SHLD1: variants seen among roughly 807,000 people sequenced by gnomAD.
SHLD1 encodes RINN1-REV7-interacting novel NHEJ regulator 3.
A neutral mutation model predicts 5.5 loss-of-function variants in SHLD1; 3 were observed. The ratio of observed to expected loss-of-function variants is 0.54; its 90% CI spans 0.25 to 1.40. SHLD1 has a LOEUF of 1.40. Ranked by LOEUF, SHLD1 falls within the 40% of genes most tolerant of loss-of-function variation. The pLI is 0.15. For missense variants in SHLD1, 210 were observed against 244.4 expected (o/e 0.86, Z 0.94); for synonymous variants, 92 against 94.3 (o/e 0.98, Z 0.14).
chr20:5,843,326 C>T (rs2087889389), intron 2 of SHLD1, among the ~76,000 whole-genome samples: 1 of 134,338 alleles, frequency 7.4e-6, no homozygotes, highest in Admixed American at 7.5e-5. Flanking sequence ...TTTCTTTTAT[C>T]AGGTTAAATC....
chr20:5,775,842 C>A (rs1000572116), intron 2 of SHLD1, among the ~76,000 whole-genome samples: 4 of 150,816 alleles, frequency 2.7e-5, no homozygotes, highest in African/African-American at 9.8e-5. Flanking sequence ...TAGTGTGTGG[C>A]AGGGAGTGGA....
At chr20:5,794,074 ATTGT>A (rs574518054) in intron 2 of SHLD1, among the ~76,000 whole-genome samples, 14 of 151,392 alleles carry the variant, frequency 9.2e-5, no homozygotes, top group East Asian at 1.9e-4. Flanking sequence ...ACATTTTCTG[ATTGT>A]TTGTTTGTTT....
At chr20:5,856,465 T>C (rs2088086063) in intron 2 of SHLD1, among the ~76,000 whole-genome samples, 1 of 151,986 alleles carries the variant, frequency 6.6e-6, no homozygotes, top group African/African-American at 2.4e-5. Context: ...GTGGCAGTAG[T>C]GAGGGGGTAG....
intron 2 of SHLD1, among the ~76,000 whole-genome samples, chr20:5,850,511 AT>A (rs1156477129): frequency 0.11 from 14,734 of 132,538 alleles, 1,649 homozygotes; most frequent in African/African-American, 0.31. Context: ...TTTAGTTTTA[AT>A]TTTTTTTTTT....
chr20:5,781,572 G>A (rs559523415), intron 2 of SHLD1, among the ~76,000 whole-genome samples: 1 of 152,220 alleles, frequency 6.6e-6, no homozygotes, highest in East Asian at 1.9e-4. Flanking sequence ...CCGCCTCCTG[G>A]GTTCAAGCGA....
Position 5,773,546 on chromosome 20 carries a change from C to T in SHLD1, c.178+503C>T, listed in dbSNP as rs138738927. The T allele has an allele frequency of 7.9e-3, 1,455 of 185,348 alleles. 26 individuals are homozygous for T. The highest frequency in any genetic ancestry group is 0.033 in the African/African-American group (1,380 of 42,364). The allele number at this position is 185,348 out of a possible 1,614,324, so 11.5% of individuals were successfully genotyped here. ...TCTATTATTTAAACTAATGATAATTCCCTGATGTAGGTAGTGGCCGTCTTT... is the reference window on the plus strand; with the variant it reads ...TCTATTATTTAAACTAATGATAATTTCCTGATGTAGGTAGTGGCCGTCTTT... On this transcript the variant is annotated intron_variant, in intron 2 of 2. Coordinates refer to ENST00000303142, the MANE Select transcript of SHLD1 (RefSeq NM_152504.4).
chr20:5,774,508 A>G (rs1363698890), intron 2 of SHLD1, among the ~76,000 whole-genome samples: 2 of 152,186 alleles, frequency 1.3e-5, no homozygotes, highest in African/African-American at 4.8e-5. Flanking sequence ...TGGGTAATTT[A>G]TAGAGAAAAG....
chr20:5,787,720 C>T (rs981690795), intron 2 of SHLD1, among the ~76,000 whole-genome samples: 16 of 152,150 alleles, frequency 1.1e-4, no homozygotes, highest in Non-Finnish European at 2.4e-4. Flanking sequence ...ATGAAAAACA[C>T]ATATAAGTGA....
chr20:5,850,052 G>A (rs1200378465), intron 2 of SHLD1, among the ~76,000 whole-genome samples: 2 of 149,204 alleles, frequency 1.3e-5, no homozygotes, highest in Non-Finnish European at 3.0e-5. Context: ...GCCGGAGCAG[G>A]AGGATCACCT....
intron 2 of SHLD1, among the ~76,000 whole-genome samples, 191 bp from the exon 3 acceptor site, chr20:5,862,833 C>T (rs6085297): frequency 0.14 from 21,061 of 152,184 alleles, 1,605 homozygotes; most frequent in Non-Finnish European, 0.17. Context: ...AATATGTTCT[C>T]GTTGTGAGCA....
intron 2 of SHLD1, among the ~76,000 whole-genome samples, chr20:5,857,036 C>T (rs1442621971): frequency 6.6e-6 from 1 of 152,166 alleles, no homozygotes; most frequent in Non-Finnish European, 1.5e-5. Flanking sequence ...GGCTGGAGTG[C>T]AGTGGTGCAA....
rs137986742 is a variant in SHLD1 at position 5,812,378 on chromosome 20, T to G, written c.178+39335T>G. On this transcript the variant is annotated intron_variant, in intron 2 of 2. Coordinates refer to ENST00000303142, the MANE Select transcript of SHLD1 (RefSeq NM_152504.4). ...ATCCAGTATACAATGCACTGATTAC[T>G]GTGCTCAGTGCTTAACAGGCAACTG... Among the ~76,000 whole-genome samples, 274 of 152,324 alleles carry G rather than the reference T, an allele frequency of 1.8e-3. 1 individual carries two copies. The highest frequency in any genetic ancestry group is 6.1e-3 in the African/African-American group (254 of 41,570).
At chr20:5,861,087 T>C (rs2088156576) in intron 2 of SHLD1, among the ~76,000 whole-genome samples, 2 of 152,186 alleles carry the variant, frequency 1.3e-5, no homozygotes, top group South Asian at 4.1e-4. Flanking sequence ...GAAAGGCCAG[T>C]TGGCAGAGGA....
chr20:5,801,930 G>A (rs6053716), intron 2 of SHLD1, among the ~76,000 whole-genome samples: 7,026 of 144,122 alleles, frequency 0.049, 536 homozygotes, highest in African/African-American at 0.16. Context: ...AAAGCATTGT[G>A]CCTAGTACTG....
chr20:5,823,078 G>A (rs2087626413), intron 2 of SHLD1, among the ~76,000 whole-genome samples: 1 of 145,872 alleles, frequency 6.9e-6, no homozygotes, highest in Non-Finnish European at 1.5e-5. Flanking sequence ...AAATCCAGTG[G>A]TCGGTTCCCA....
chr20:5,799,277 C>T (rs1266540517), intron 2 of SHLD1, among the ~76,000 whole-genome samples: 1 of 150,824 alleles, frequency 6.6e-6, no homozygotes, highest in East Asian at 2.0e-4. Context: ...TTCTCTCTCT[C>T]TCGCTCTCTC....
chr20:5,843,647 G>C (rs1163311778), intron 2 of SHLD1, among the ~76,000 whole-genome samples: 1 of 151,788 alleles, frequency 6.6e-6, no homozygotes, highest in Non-Finnish European at 1.5e-5. Flanking sequence ...TTTTGCTTTT[G>C]GTCTGTACAG....
chr20:5,834,936 T>G (rs1178513764), intron 2 of SHLD1, among the ~76,000 whole-genome samples: 1 of 152,132 alleles, frequency 6.6e-6, no homozygotes, highest in Non-Finnish European at 1.5e-5. Flanking sequence ...TCATGAGGAC[T>G]CCTCCTTCAT....
chr20:5,772,282 A>T, intron 1 of SHLD1: 1 of 396,710 alleles, frequency 2.5e-6, no homozygotes, highest in South Asian at 1.8e-5. Flanking sequence ...TAAGTAAAAT[A>T]AGGGTTACTT....
Sources: gnomAD v4.1 joint callset for allele counts (sites outside exome capture counted in the v4.1 genomes callset) on GRCh38, gnomAD v4.1.1 for gene constraint, MANE v1.5 for transcripts, NCBI Gene and HGNC (gene_info 2026-07-23, HGNC 2026-07-21) for gene names.